Variants in EPS8L1 observed in about 807,000 individuals in gnomAD.
The protein encoded by EPS8L1 is epidermal growth factor receptor kinase substrate 8-like protein 1.
A neutral mutation model predicts 91.7 loss-of-function variants in EPS8L1; 101 were observed. The ratio of observed to expected loss-of-function variants is 1.10; its 90% confidence interval spans 0.94 to 1.30. EPS8L1 has a LOEUF of 1.30. Ranked by LOEUF, EPS8L1 falls within the 50% of genes most tolerant of loss-of-function variation. EPS8L1 has a pLI of 0.00. For synonymous variants in EPS8L1, 506 were observed against 445.3 expected, an observed-to-expected ratio of 1.14 and a Z score of -1.72; for missense variants, 1,114 against 1,017.0, an observed-to-expected ratio of 1.10 and a Z score of -1.30.
intron 14 of EPS8L1, chr19:55,085,599 C>T: frequency 2.4e-6 from 1 of 409,434 alleles, no homozygotes; most frequent in Non-Finnish European, 4.4e-6. Context: ...TCATTCTCCT[C>T]TGTAAAATGG....
rs2076239907 is a variant in EPS8L1, at chr19:55,080,795, C to G, written c.453C>G (p.Ile151Met). 6.2e-7 allele frequency: 1 copy of G among 1,611,364 alleles called. No individual in the cohort carries two copies. Among genetic ancestry groups the G allele is most frequent in the Non-Finnish European group, 8.5e-7 (1 of 1,179,018 alleles). Residue 151 changes from isoleucine (I) to methionine (M), a missense_variant, in exon 7 of 20, where the codon ATC becomes ATG. Coordinates refer to ENST00000201647, the MANE Select transcript of EPS8L1 (RefSeq NM_133180.3). ...RLGAELIRED[I>M]QGALHNYRSG... ...AGGCGGAGCTGATCCGAGAGGACAT[C>G]CAGGGGGCTCTGCACAATTACCGCT...
intron 3 of EPS8L1, 119 bp from the exon 4 acceptor site, chr19:55,078,880 G>C: frequency 1.2e-6 from 1 of 837,478 alleles, no homozygotes; most frequent in South Asian, 1.5e-5. Flanking sequence ...AGGGAAGAGG[G>C]GCTGGGGGGC....
In EPS8L1 at chr19:55,086,726, A is replaced by C; in HGVS notation, c.1790A>C (p.Gln597Pro). The part of the protein sequence containing the change: ...LDPSEKEKFS[Q>P]MLIVNEELQA... ...TTCCCGCCTGCAGAGAAATTCTCCC[A>C]GATGCTCATCGTCAACGAGGAACTG... Residue 597 changes from glutamine to proline, a missense_variant, in exon 18 of 20, where the codon CAG becomes CCG. Coordinates refer to ENST00000201647, the MANE Select transcript of EPS8L1 (RefSeq NM_133180.3). The C allele has an allele frequency of 6.8e-7, 1 of 1,476,470 alleles. No homozygotes were observed. The highest frequency in any genetic ancestry group is 9.1e-7 in the Non-Finnish European group (1 of 1,094,210). The allele number at this position is 1,476,470 out of a possible 1,614,324, so 91.5% of individuals were successfully genotyped here. A position where few individuals can be genotyped will look rare whatever the true frequency, so the allele number is the denominator to read the frequency against.
At chr19:55,079,303 G>A (rs1671163) in intron 4 of EPS8L1, among the ~76,000 whole-genome samples, 27,596 of 152,100 alleles carry the variant, frequency 0.18, 2,753 homozygotes, top group African/African-American at 0.24. Context: ...GACCACGGAG[G>A]CAAATCAAGA....
chr19:55,086,706 G>A lies in EPS8L1; in HGVS notation c.1778-8G>A, dbSNP rs199663069. On this transcript the variant is annotated splice_region_variant and splice_polypyrimidine_tract_variant and intron_variant, in intron 17 of 19. Coordinates refer to ENST00000201647, the MANE Select transcript of EPS8L1 (RefSeq NM_133180.3). Reference sequence around the variant, plus strand: ...CGCACTCCCTACCTCCCGGTTTCCCGCCTGCAGAGAAATTCTCCCAGATGC... The same window carrying A: ...CGCACTCCCTACCTCCCGGTTTCCCACCTGCAGAGAAATTCTCCCAGATGC... 7.3e-7 allele frequency: 1 copy of A among 1,361,896 alleles called. No individual in the cohort carries two copies. Among genetic ancestry groups the A allele is most frequent in the Admixed American group, 2.0e-5 (1 of 50,924 alleles). 84.4% of individuals were successfully genotyped at this position (1,361,896 alleles called of 1,614,324 possible).
chr19:55,084,218 A>G (rs992303201), intron 14 of EPS8L1: 19 of 167,180 alleles, frequency 1.1e-4, no homozygotes, highest in Non-Finnish European at 1.8e-4. Context: ...GGACGATTAA[A>G]CTCTTGGTTT....
At chr19:55,082,402 C>G (rs1456013916) in intron 11 of EPS8L1, 52 bp from the exon 12 acceptor site, 3 of 1,612,078 alleles carry the variant, frequency 1.9e-6, no homozygotes, top group Non-Finnish European at 2.5e-6. Flanking sequence ...GAATCGGGTT[C>G]GACTTGTAGA....
Position 55,079,750 on chromosome 19 carries a change from AG to A in EPS8L1, c.180del (p.Lys61SerfsTer50). 6.2e-7 allele frequency: 1 copy of A among 1,614,154 alleles called. No individual in the cohort carries two copies. Among genetic ancestry groups the A allele is most frequent in the Non-Finnish European group, 8.5e-7 (1 of 1,180,008 alleles). On this transcript the variant is annotated frameshift_variant, in exon 5 of 20. Coordinates refer to ENST00000201647, the MANE Select transcript of EPS8L1 (RefSeq NM_133180.3). LOFTEE classifies it high-confidence loss of function. ...DGVHTVEDAS[R>X]KLAVMDSQGR... ...CGTGCATACCGTGGAGGATGCCTCC[AG>A]GAAGTTGGCCGTCATGGATAGCCAG...
intron 16 of EPS8L1, 89 bp downstream of exon 16, chr19:55,086,281 G>C (rs1393661953): frequency 6.2e-7 from 1 of 1,611,820 alleles, no homozygotes; most frequent in African/African-American, 1.3e-5. Flanking sequence ...GCTGTCAAGA[G>C]TGCTGGAGCA....
intron 6 of EPS8L1, 93 bp from the exon 7 acceptor site, chr19:55,080,679 G>A: frequency 1.3e-6 from 2 of 1,567,824 alleles, no homozygotes; most frequent in Non-Finnish European, 8.7e-7. Context: ...CCGCACGTGG[G>A]CTGGGACTGA....
In EPS8L1 at chr19:55,081,596, G is replaced by C. The variant is rs2076263077; in HGVS notation, c.774+104G>C. 1 of 1,011,274 alleles carries C rather than the reference G, an allele frequency of 9.9e-7. No individual in the cohort carries two copies. Among genetic ancestry groups the C allele is most frequent in the Admixed American group, 3.4e-5 (1 of 29,414 alleles). 62.6% of individuals were successfully genotyped at this position (1,011,274 alleles called of 1,614,324 possible). A position where few individuals can be genotyped will look rare whatever the true frequency, so the allele number is the denominator to read the frequency against. ...CTGCGGGACGGGCGTTCTCTGGTCA[G>C]ACTTCTGCGTTATGGAAGAGGGGCT... is the stretch of plus-strand genomic sequence containing the variant. On this transcript the variant is annotated intron_variant, in intron 8 of 19. Coordinates refer to ENST00000201647, the MANE Select transcript of EPS8L1 (RefSeq NM_133180.3). This position sits in a 1 kb window ranked among gnomAD's most constrained non-coding sequence, Gnocchi z 4.9.
rs375566717 is a variant in EPS8L1 at position 55,077,331 on chromosome 19, GCATCTTAAGA to G, written c.18-756_18-747del. Among the ~76,000 whole-genome samples the G allele has an allele frequency of 3.1e-4, 47 of 152,232 alleles. 1 individual carries two copies. In the East Asian group the frequency reaches 7.5e-3, roughly 24 times the overall value. On this transcript the variant is annotated intron_variant, in intron 2 of 19. Transcript: ENST00000201647. ...AACTTCTGTGTGCTAAGCCCTGGCAGCATCTTAAGAATGATAATAACAGTTATTGAGGCTT... is the reference window on the plus strand; with the variant it reads ...AACTTCTGTGTGCTAAGCCCTGGCAGATGATAATAACAGTTATTGAGGCTT...
rs907299102 is a variant in EPS8L1 at position 55,086,810 on chromosome 19, C to T, written c.1874C>T (p.Ala625Val). ...AGCCGCGCAGTCCCAGGGCCCCGCG[C>T]CCCGGAACCGCAGCTCAGCCCGGGC... is the stretch of plus-strand genomic sequence containing the variant. Reference protein sequence around the residue: ...GPSRAVPGPRAPEPQLSPGSD... With the variant: ...GPSRAVPGPRVPEPQLSPGSD... The change falls in exon 18 of 20, where the codon GCC becomes GTC. Residue 625 changes from alanine (A) to valine (V), a missense_variant. Coordinates refer to ENST00000201647, the MANE Select transcript of EPS8L1 (RefSeq NM_133180.3). 3 of 1,589,504 alleles carry T rather than the reference C, an allele frequency of 1.9e-6. No individual in the cohort carries two copies. Among genetic ancestry groups the T allele is most frequent in the East Asian group, 4.6e-5 (2 of 43,498 alleles).
In EPS8L1 at chr19:55,086,719, T is replaced by C; in HGVS notation, c.1783T>C (p.Phe595Leu). The change falls in exon 18 of 20, where the codon TTC (phenylalanine) becomes CTC (leucine). Residue 595 changes from phenylalanine to leucine, a missense_variant. Physicochemically the swap from Phe to Leu is conservative, Grantham distance 22 (BLOSUM62 0). Transcript: ENST00000201647. The stretch of plus-strand genomic sequence containing the variant: ...TCCCGGTTTCCCGCCTGCAGAGAAA[T>C]TCTCCCAGATGCTCATCGTCAACGA... ...NGLDPSEKEK[F>L]SQMLIVNEEL... The C allele has an allele frequency of 2.1e-6, 3 of 1,395,386 alleles. No homozygotes were observed. The highest frequency in any genetic ancestry group is 2.9e-6 in the Non-Finnish European group (3 of 1,043,498). 86.4% of individuals were successfully genotyped at this position (1,395,386 alleles called of 1,614,324 possible).
Position 55,078,148 on chromosome 19 carries a change from GC to G in EPS8L1, c.58+24del. On this transcript the variant is annotated intron_variant, in intron 3 of 19. Transcript: ENST00000201647. ...TCTATGGTGAGCGGGGGGCAAGGGA[GC>G]CCCAGGCCCATAGAACTGGGTCTAA... is the stretch of plus-strand genomic sequence containing the variant. The G allele has an allele frequency of 6.2e-7, 1 of 1,612,384 alleles. No individual in the cohort carries two copies. Among genetic ancestry groups the G allele is most frequent in the Non-Finnish European group, 8.5e-7 (1 of 1,179,142 alleles).
intron 14 of EPS8L1, chr19:55,084,075 A>C: frequency 3.1e-6 from 1 of 321,152 alleles, no homozygotes; most frequent in Admixed American, 4.7e-5. Context: ...GGTTTTGAAG[A>C]AGAGCCCAAG....
Position 55,087,653 on chromosome 19 carries a change from T to A in EPS8L1, c.*39T>A. 1.9e-6 allele frequency: 3 copies of A among 1,604,122 alleles called. No individual in the cohort carries two copies. In the South Asian group the frequency reaches 3.3e-5, roughly 18 times the overall value. On this transcript the variant is annotated 3_prime_UTR_variant, in exon 20 of 20. Coordinates refer to ENST00000201647, the MANE Select transcript of EPS8L1 (RefSeq NM_133180.3). ...CTTCGCAAAGAGTGACGAGGCCCCGTGGGAGAACGGACTCCTCAGACTCTC... is the reference window on the plus strand; with the variant it reads ...CTTCGCAAAGAGTGACGAGGCCCCGAGGGAGAACGGACTCCTCAGACTCTC...
Position 55,080,844 on chromosome 19 carries a change from G to A in EPS8L1, c.502G>A (p.Ala168Thr), listed in dbSNP as rs763596957. The stretch of plus-strand genomic sequence containing the variant: ...CTCGGGCCGCGGGGAGCGCAGGGCG[G>A]CGGCGCTCAGGTGAGAGGGAAGAAG... ...YRSGRGERRA[A>T]ALRATQEELQ... is the part of the protein sequence containing the mutation. Residue 168 changes from alanine (A) to threonine (T), a missense_variant, in exon 7 of 20, where the codon GCG becomes ACG. Ala to Thr is a moderately conservative substitution (Grantham distance 58). Transcript: ENST00000201647. The A allele has an allele frequency of 6.2e-7, 1 of 1,609,734 alleles. No homozygotes were observed. Among genetic ancestry groups the A allele is most frequent in the Non-Finnish European group, 8.5e-7 (1 of 1,177,880 alleles).
intron 6 of EPS8L1, 22 bp from the exon 7 acceptor site, chr19:55,080,750 G>A: frequency 6.2e-7 from 1 of 1,608,840 alleles, no homozygotes; most frequent in Non-Finnish European, 8.5e-7. Context: ...GGGGAGGCGT[G>A]GCCTGACGGT....
Sources: allele counts gnomAD v4.1 joint callset (sites outside exome capture counted in the v4.1 genomes callset), GRCh38; gene constraint gnomAD v4.1.1; non-coding constraint Gnocchi (gnomAD v3.1); transcripts MANE v1.5; gene names NCBI Gene and HGNC (gene_info 2026-07-23, HGNC 2026-07-21).